IPP: variants seen among roughly 807,000 people sequenced by gnomAD.
IPP encodes the protein actin-binding protein IPP.
Under a neutral mutation model 64.1 loss-of-function variants are expected in IPP, and 41 were observed. That is an observed-to-expected ratio of 0.64 (90% confidence interval 0.50 to 0.83). The LOEUF is 0.83. IPP is among the 40% of genes least tolerant of loss of function. The pLI is 0.00. For missense variants in IPP, 649 were observed against 703.0 expected, an observed-to-expected ratio of 0.92 and a Z score of 0.87; for synonymous variants, 214 against 235.2, an observed-to-expected ratio of 0.91 and a Z score of 0.83.
chr1:45,701,647 G>C (rs1472747834), intron 8 of IPP, among the ~76,000 whole-genome samples: 1 of 152,186 alleles, frequency 6.6e-6, no homozygotes, highest in Non-Finnish European at 1.5e-5. Context: ...AGCTACTAAA[G>C]GTCCTAAGAA....
intron 3 of IPP, among the ~76,000 whole-genome samples, chr1:45,736,066 A>G (rs1422567844): frequency 6.6e-6 from 1 of 150,996 alleles, no homozygotes; most frequent in African/African-American, 2.4e-5. Context: ...AGCCGAAATC[A>G]CACCACTGCG....
At chr1:45,740,190 A>G (rs1353313985) in intron 3 of IPP, among the ~76,000 whole-genome samples, 2 of 152,258 alleles carry the variant, frequency 1.3e-5, no homozygotes, top group East Asian at 3.8e-4. Context: ...TTCTTAGCAC[A>G]GAACAAAATG....
chr1:45,706,021 T>C (rs748691618), intron 8 of IPP, among the ~76,000 whole-genome samples: 2 of 152,124 alleles, frequency 1.3e-5, no homozygotes, highest in Non-Finnish European at 2.9e-5. Context: ...TGGTACAGTA[T>C]ACAGGTCCCC....
chr1:45,719,361 A>T, intron 5 of IPP, 21 bp from the exon 6 acceptor site: 2 of 1,519,256 alleles, frequency 1.3e-6, no homozygotes, highest in Non-Finnish European at 1.8e-6. Flanking sequence ...TAAAAGAGAC[A>T]AATATTATAA....
chr1:45,708,311 G>A (rs1209729906), intron 8 of IPP, among the ~76,000 whole-genome samples: 8 of 151,262 alleles, frequency 5.3e-5, no homozygotes, highest in South Asian at 2.1e-4. Flanking sequence ...TGATCTGCCC[G>A]CCTCGGCCTC....
rs193220409 is a variant in IPP, at chr1:45,711,854, G to A, written c.1530+2392C>T. On this transcript the variant is annotated intron_variant, in intron 8 of 8. Transcript: ENST00000396478. ...AAGACATAATAAACTTAATGGGTAC[G>A]CATCTAATAATGGATCTTCAAAATA... Among the ~76,000 whole-genome samples, 25 of 152,038 alleles carry A rather than the reference G, an allele frequency of 1.6e-4. No homozygotes were observed. The East Asian group carries it at 2.5e-3, about 15-fold the overall frequency.
At chr1:45,712,866 A>G (rs1278675125) in intron 8 of IPP, among the ~76,000 whole-genome samples, 7 of 130,216 alleles carry the variant, frequency 5.4e-5, no homozygotes, top group African/African-American at 1.9e-4. Flanking sequence ...AAAAAAAAAG[A>G]AAAAAAAAAA....
intron 7 of IPP, among the ~76,000 whole-genome samples, 197 bp from the exon 8 acceptor site, chr1:45,714,663 T>C (rs1645634468): frequency 6.6e-6 from 1 of 152,234 alleles, no homozygotes; most frequent in African/African-American, 2.4e-5. Flanking sequence ...TTAGTGGAAT[T>C]AATTTAAAAT....
chr1:45,745,355 TAA>T (rs1386150799), intron 2 of IPP, among the ~76,000 whole-genome samples: 1 of 152,172 alleles, frequency 6.6e-6, no homozygotes, highest in Non-Finnish European at 1.5e-5. Flanking sequence ...TAAATACATA[TAA>T]GTTTTTTTGG....
At chr1:45,744,774 G>A (rs1429591079) in intron 2 of IPP, among the ~76,000 whole-genome samples, 1 of 151,794 alleles carries the variant, frequency 6.6e-6, no homozygotes, top group East Asian at 1.9e-4. Flanking sequence ...GGGAGGCGGA[G>A]GTTGCAGTGA....
chr1:45,745,635 G>A (rs1014981244), intron 2 of IPP, among the ~76,000 whole-genome samples: 8 of 151,918 alleles, frequency 5.3e-5, no homozygotes, highest in Admixed American at 5.3e-4. Context: ...AAGGCGGGCG[G>A]ATCATGAGGT....
intron 7 of IPP, among the ~76,000 whole-genome samples, chr1:45,715,379 C>G (rs1022856883): frequency 5.3e-5 from 8 of 151,792 alleles, no homozygotes; most frequent in African/African-American, 1.9e-4. Flanking sequence ...CGGTGGCTCA[C>G]GCCTGTAATC....
chr1:45,699,733 G>T lies in IPP; in HGVS notation c.*233C>A. 2 of 1,246,494 alleles carry T rather than the reference G, an allele frequency of 1.6e-6. No individual in the cohort carries two copies. Among genetic ancestry groups the T allele is most frequent in the Non-Finnish European group, 2.1e-6 (2 of 953,282 alleles). 77.2% of individuals were successfully genotyped at this position (1,246,494 alleles called of 1,614,324 possible). ...AGTGGAGTGCAGTGGCATGATCGTA[G>T]CTTACTACAACCTCAAATTCCTGGG... On this transcript the variant is annotated 3_prime_UTR_variant, in exon 9 of 9. Transcript: ENST00000396478.
intron 8 of IPP, 114 bp downstream of exon 8, chr1:45,714,132 G>C (rs1645626814): frequency 2.9e-6 from 2 of 699,696 alleles, no homozygotes; most frequent in East Asian, 5.6e-5. Context: ...AGAAAAAAGG[G>C]GAAAAAAATC....
At chr1:45,748,887 G>T (rs1646177341) in intron 1 of IPP, among the ~76,000 whole-genome samples, 1 of 150,178 alleles carries the variant, frequency 6.7e-6, no homozygotes, top group Non-Finnish European at 1.5e-5. Context: ...CAGGAGAATC[G>T]CTTGAACCTG....
chr1:45,732,361 C>CAAAAAAAAAAAAAAAAAA (rs779442718), intron 3 of IPP, among the ~76,000 whole-genome samples: 1 of 59,768 alleles, frequency 1.7e-5, no homozygotes, highest in African/African-American at 8.5e-5. Flanking sequence ...GACTCCACCT[C>CAAAAAAAAAAAAAAAAAA]AAAAAAAAAA....
Position 45,700,203 on chromosome 1 carries a change from G to GAAA in IPP, c.1531-16_1531-14dup. The GAAA allele has an allele frequency of 3.4e-6, 5 of 1,474,940 alleles. No homozygotes were observed. The highest frequency in any genetic ancestry group is 1.8e-6 in the Non-Finnish European group (2 of 1,090,224). The allele number at this position is 1,474,940 out of a possible 1,614,324, so 91.4% of individuals were successfully genotyped here. On this transcript the variant is annotated splice_polypyrimidine_tract_variant and intron_variant, in intron 8 of 8. Coordinates refer to ENST00000396478, the MANE Select transcript of IPP (RefSeq NM_005897.3). ...CAACCCACTTTTCCTGGTTAAGAGA[G>GAAA]AAAAAAAAAATATGTTAGCAGTGTT...
chr1:45,696,485 A>G (rs1212949501), downstream of IPP, among the ~76,000 whole-genome samples: 1 of 152,206 alleles, frequency 6.6e-6, no homozygotes, highest in Non-Finnish European at 1.5e-5. Flanking sequence ...CATTCTTTTA[A>G]AAACAATCTT....
chr1:45,743,380 G>C (rs1490366656), intron 2 of IPP, among the ~76,000 whole-genome samples: 1 of 151,322 alleles, frequency 6.6e-6, no homozygotes, highest in African/African-American at 2.4e-5. Context: ...TGGGACTACA[G>C]GTGTGCGCCA....
Sources: allele counts gnomAD v4.1 joint callset (sites outside exome capture counted in the v4.1 genomes callset), GRCh38; gene constraint gnomAD v4.1.1; transcripts MANE v1.5; gene names NCBI Gene and HGNC (gene_info 2026-07-23, HGNC 2026-07-21).